NEBL: variants seen among roughly 807,000 people sequenced by gnomAD.
NEBL encodes nebulette.
A neutral mutation model predicts 140.2 loss-of-function variants in NEBL; 122 were observed. The observed-to-expected ratio is 0.87, with a 90% CI of 0.75 to 1.01. The LOEUF is 1.01. Ranked by LOEUF, NEBL falls within the 50% of genes least tolerant of loss-of-function variation. The pLI is 0.00. For missense variants in NEBL, 1,365 were observed against 1,231.3 expected, an observed-to-expected ratio of 1.11 and a Z score of -1.62; for synonymous variants, 436 against 398.9, an observed-to-expected ratio of 1.09 and a Z score of -1.11.
intron 4 of NEBL, among the ~76,000 whole-genome samples, chr10:20,915,518 T>C (rs1385683989): frequency 6.6e-6 from 1 of 151,956 alleles, no homozygotes; most frequent in Admixed American, 6.6e-5. Flanking sequence ...TGGTTTTTTG[T>C]TCTTGCGATA....
At chr10:21,034,901 C>G (rs1833951763) in intron 2 of NEBL, among the ~76,000 whole-genome samples, 3 of 152,024 alleles carry the variant, frequency 2.0e-5, no homozygotes, top group Non-Finnish European at 4.4e-5. Flanking sequence ...CCTGTCAACC[C>G]ATCACCTAGG....
chr10:20,863,055 A>T (rs1232296996), intron 7 of NEBL, among the ~76,000 whole-genome samples: 1 of 152,132 alleles, frequency 6.6e-6, no homozygotes, highest in South Asian at 2.1e-4. Flanking sequence ...TTAAAGAATT[A>T]TAAGAGACAG....
intron 3 of NEBL, among the ~76,000 whole-genome samples, chr10:21,204,692 G>C (rs1233219864): frequency 6.6e-6 from 1 of 152,204 alleles, no homozygotes; most frequent in African/African-American, 2.4e-5. Context: ...TTTGTCCTGA[G>C]GGCATCATCA....
At chr10:20,851,923 G>C (rs984208500) in intron 10 of NEBL, among the ~76,000 whole-genome samples, 1 of 151,858 alleles carries the variant, frequency 6.6e-6, no homozygotes, top group Non-Finnish European at 1.5e-5. Context: ...TGGACTTTAA[G>C]TTCCACAGAA....
intron 3 of NEBL, among the ~76,000 whole-genome samples, chr10:21,017,995 ATTT>A (rs1838626198): frequency 6.6e-6 from 1 of 151,526 alleles, no homozygotes; most frequent in Non-Finnish European, 1.5e-5. Flanking sequence ...TAATTTTTGT[ATTT>A]TTTTGTAGGG....
At chr10:21,224,476 A>C (rs767216950) in intron 3 of NEBL, among the ~76,000 whole-genome samples, 27 of 152,296 alleles carry the variant, frequency 1.8e-4, no homozygotes, top group Non-Finnish European at 2.6e-4. Flanking sequence ...CTTTTTGCTC[A>C]GGATAGTTTT....
In NEBL at chr10:20,868,763, T is replaced by A; in HGVS notation, c.585A>T (p.Ala195=). The change falls in exon 7 of 28, where the codon GCA becomes GCT. Residue 195 remains alanine, a splice_region_variant and synonymous_variant. Coordinates refer to ENST00000377122, the MANE Select transcript of NEBL (RefSeq NM_006393.3). The part of the protein sequence containing the change: ...ATQISKIISN[A]EYKKGQGIMN... Reference sequence around the variant, plus strand: ...TTATTCCTTGTCCTTTCTTGTATTCTGCCTAAAATGAATAAATAAGACAAT... The same window carrying A: ...TTATTCCTTGTCCTTTCTTGTATTCAGCCTAAAATGAATAAATAAGACAAT... 1 of 1,588,236 alleles carries A rather than the reference T, an allele frequency of 6.3e-7. No homozygotes were observed. Among genetic ancestry groups the A allele is most frequent in the Non-Finnish European group, 8.6e-7 (1 of 1,156,810 alleles).
Position 21,173,654 on chromosome 10 carries a change from G to A in NEBL, c.69+111C>T. On this transcript the variant is annotated intron_variant, in intron 1 of 6. Transcript: ENST00000417816. This position sits in a 1 kb window ranked among gnomAD's most constrained non-coding sequence, Gnocchi z 5.7. ...GCCCTCCCCCCGTGCCAAGGCACAC[G>A]CACACGCACCGACCCACTCATTGCT... The A allele has an allele frequency of 6.4e-7, 1 of 1,554,752 alleles. No individual in the cohort carries two copies. Among genetic ancestry groups the A allele is most frequent in the Non-Finnish European group, 8.8e-7 (1 of 1,142,278 alleles).
chr10:21,280,753 T>C (rs1235633986), intron 1 of NEBL, among the ~76,000 whole-genome samples: 3 of 151,670 alleles, frequency 2.0e-5, no homozygotes, highest in Non-Finnish European at 4.4e-5. Context: ...TAGGTGGGAT[T>C]ACAGGCACAC....
chr10:21,110,550 G>T, intron 2 of NEBL: 1 of 205,146 alleles, frequency 4.9e-6, no homozygotes. Flanking sequence ...TAATCATTCT[G>T]CCTATTCAGC....
intron 2 of NEBL, among the ~76,000 whole-genome samples, chr10:21,039,040 G>A (rs665486): frequency 0.61 from 88,586 of 145,184 alleles, 26,927 homozygotes; most frequent in East Asian, 0.73. Flanking sequence ...CATAGCCTTC[G>A]TCCACTTTTT....
intron 2 of NEBL, among the ~76,000 whole-genome samples, chr10:21,249,226 T>C (rs1842556600): frequency 6.6e-6 from 1 of 152,154 alleles, no homozygotes; most frequent in Admixed American, 6.6e-5. Flanking sequence ...GTACTTTTTG[T>C]CGTTGAATCT....
At chr10:21,222,986 C>A (rs918031321) in intron 3 of NEBL, among the ~76,000 whole-genome samples, 1 of 152,248 alleles carries the variant, frequency 6.6e-6, no homozygotes, top group African/African-American at 2.4e-5. Flanking sequence ...TGGCCTTGAA[C>A]TCCTAACCTC....
chr10:21,250,501 A>G (rs1378844875), intron 2 of NEBL, among the ~76,000 whole-genome samples: 1 of 152,170 alleles, frequency 6.6e-6, no homozygotes, highest in African/African-American at 2.4e-5. Flanking sequence ...CCCTTTATAT[A>G]TATACATATA....
intron 1 of NEBL, among the ~76,000 whole-genome samples, chr10:21,263,119 G>A (rs984173769): frequency 6.6e-6 from 1 of 152,142 alleles, no homozygotes; most frequent in Non-Finnish European, 1.5e-5. Context: ...TGGCAACAGC[G>A]ATTGAACACA....
intron 3 of NEBL, among the ~76,000 whole-genome samples, chr10:21,195,468 A>T (rs1411746962): frequency 6.6e-6 from 1 of 152,224 alleles, no homozygotes; most frequent in Non-Finnish European, 1.5e-5. Flanking sequence ...ACTATCTGTC[A>T]CCAGGAAGGA....
At chr10:20,997,471 T>TGA (rs1837713554) in intron 3 of NEBL, among the ~76,000 whole-genome samples, 1 of 25,168 alleles carries the variant, frequency 4.0e-5, no homozygotes, top group Non-Finnish European at 1.1e-4. Flanking sequence ...ACAGTCTCAG[T>TGA]AAAAAAAAAA....
rs1191813457 is a variant in NEBL, at chr10:21,120,422, A to ATATATATATATATATT, written c.164+51960_164+51961insAATATATATATATATA. On this transcript the variant is annotated intron_variant, in intron 2 of 6. Transcript: ENST00000417816. ...TATATATATATATATATATATATAT[A>ATATATATATATATATT]TAAATTTGATCACTGGTTTAAAGTA... Among the ~76,000 whole-genome samples the ATATATATATATATATT allele has an allele frequency of 4.3e-3, 371 of 86,594 alleles. 2 individuals carry two copies. The highest frequency in any genetic ancestry group is 0.011 in the East Asian group (16 of 1,460). The allele number at this position is 86,594 out of a possible 152,430, so 56.8% of individuals were successfully genotyped here.
At chr10:21,034,138 A>T (rs1018797127) in intron 2 of NEBL, among the ~76,000 whole-genome samples, 1 of 145,052 alleles carries the variant, frequency 6.9e-6, no homozygotes, top group African/African-American at 2.6e-5. Flanking sequence ...CTGCACTCCA[A>T]CCTAGGCAAC....
Sources: allele counts gnomAD v4.1 joint callset (sites outside exome capture counted in the v4.1 genomes callset), GRCh38; gene constraint gnomAD v4.1.1; non-coding constraint Gnocchi (gnomAD v3.1); transcripts MANE v1.5; gene names NCBI Gene and HGNC (gene_info 2026-07-23, HGNC 2026-07-21).